The following VIPR2 variants were observed in gnomAD, a reference collection of about 807,000 sequenced individuals.
The protein encoded by VIPR2 is vasoactive intestinal polypeptide receptor 2.
In VIPR2, 48 loss-of-function variants were observed where a neutral mutation model predicts 58.0. That is an observed-to-expected ratio of 0.83 (90% CI 0.66 to 1.05). VIPR2 has a LOEUF of 1.05. Among genes scored for constraint, VIPR2 ranks in the 50% least tolerant of loss-of-function variants. The pLI is 0.00. For synonymous variants in VIPR2, 243 were observed against 235.2 expected (o/e 1.03, Z -0.30); for missense variants, 534 against 558.0 (o/e 0.96, Z 0.43).
At position 159,096,996 on chromosome 7, in the gene VIPR2, A is replaced by G; in HGVS notation, c.357+6761T>C. On this transcript the variant is annotated intron_variant, in intron 4 of 12. Coordinates refer to ENST00000262178, the MANE Select transcript of VIPR2 (RefSeq NM_003382.5). This position sits in a 1 kb window ranked among gnomAD's most constrained non-coding sequence, Gnocchi z 5.5. The stretch of plus-strand genomic sequence containing the variant: ...GACCATGAGGGGAGGCTTCCTTCAG[A>G]AAAGCTGCTGCTCTCAGAGGTGATT... The G allele has an allele frequency of 6.4e-7, 1 of 1,550,614 alleles. No homozygotes were observed. The highest frequency in any genetic ancestry group is 8.7e-7 in the Non-Finnish European group (1 of 1,146,984).
At chr7:159,058,429 A>C (rs1855447430) in intron 5 of VIPR2, 52 bp downstream of exon 5, 1 of 1,553,718 alleles carries the variant, frequency 6.4e-7, no homozygotes, top group African/African-American at 1.4e-5. Flanking sequence ...GCCTAAATGG[A>C]AACTTTGCTT....
At chr7:159,071,493 T>C (rs55662704) in intron 4 of VIPR2, among the ~76,000 whole-genome samples, 18,077 of 152,242 alleles carry the variant, frequency 0.12, 1,355 homozygotes, top group East Asian at 0.16. Flanking sequence ...CTGTTCTTCA[T>C]GGTTCCTCAG....
chr7:159,058,387 C>T (rs1585381208), intron 5 of VIPR2, 94 bp downstream of exon 5: 1 of 989,784 alleles, frequency 1.0e-6, no homozygotes, highest in East Asian at 2.4e-5. Context: ...GCTTAGCACA[C>T]AGAGGGCTCC....
rs1045875804 is a variant in VIPR2 at position 159,127,856 on chromosome 7, C to T, written c.151+14590G>A. Among the ~76,000 whole-genome samples the T allele has an allele frequency of 3.9e-5, 6 of 152,268 alleles. No homozygotes were observed. The highest frequency in any genetic ancestry group is 8.8e-5 in the Non-Finnish European group (6 of 68,000). On this transcript the variant is annotated intron_variant, in intron 2 of 12. Coordinates refer to ENST00000262178, the MANE Select transcript of VIPR2 (RefSeq NM_003382.5). This position sits in a 1 kb window ranked among gnomAD's most constrained non-coding sequence, Gnocchi z 4.6. Reference sequence around the variant, plus strand: ...TCGGATGCTGCTGGGGCCGCAGGGGCTTAGGGCTGGGGCCACGCGAGGCCT... The same window carrying T: ...TCGGATGCTGCTGGGGCCGCAGGGGTTTAGGGCTGGGGCCACGCGAGGCCT...
At chr7:159,063,894 G>GGGGATCTGGGGTTCCTGGA (rs1563288991) in intron 4 of VIPR2, among the ~76,000 whole-genome samples, 3 of 83,760 alleles carry the variant, frequency 3.6e-5, no homozygotes, top group African/African-American at 1.2e-4. Context: ...GGGGTCCTGG[G>GGGGATCTGGGGTTCCTGGA]GGGATCTGGG....
chr7:159,066,983 G>A (rs1010644096), intron 4 of VIPR2, among the ~76,000 whole-genome samples: 4 of 152,156 alleles, frequency 2.6e-5, no homozygotes, highest in African/African-American at 4.8e-5. Flanking sequence ...GGGCACTGGC[G>A]CTCTCCAGCA....
At chr7:159,047,352 T>C (rs1263199206) in intron 5 of VIPR2, among the ~76,000 whole-genome samples, 1 of 152,230 alleles carries the variant, frequency 6.6e-6, no homozygotes, top group Admixed American at 6.5e-5. Flanking sequence ...AGAAACTCAC[T>C]GGACAATTAA....
intron 2 of VIPR2, among the ~76,000 whole-genome samples, chr7:159,112,539 A>G (rs1053223785): frequency 1.3e-5 from 2 of 152,034 alleles, no homozygotes; most frequent in Non-Finnish European, 2.9e-5. Context: ...TTGCAGACAG[A>G]AGCAACTGTG....
rs188022390 is a variant in VIPR2 at position 159,043,987 on chromosome 7, G to A, written c.456-811C>T. ...GGGGAACCCAGAAATCCAGGTGCAC[G>A]TTCAGGGCAGAAAGAATCAGAGAAT... is the stretch of plus-strand genomic sequence containing the variant. On this transcript the variant is annotated intron_variant, in intron 5 of 12. Coordinates refer to ENST00000262178, the MANE Select transcript of VIPR2 (RefSeq NM_003382.5). 3.9e-5 allele frequency among the ~76,000 whole-genome samples: 6 copies of A among 152,280 alleles called. No homozygotes were observed. The East Asian group carries it at 5.8e-4, about 15-fold the overall frequency.
chr7:159,031,915 G>A lies in VIPR2; in HGVS notation c.1101+23C>T. On this transcript the variant is annotated intron_variant, in intron 11 of 12. Coordinates refer to ENST00000262178, the MANE Select transcript of VIPR2 (RefSeq NM_003382.5). The surrounding 1 kb of genome is among the most constrained non-coding windows in gnomAD (Gnocchi z 4.0). ...CAGGCAGGACCCGCGCTCGGGGGAG[G>A]GCGGCCGCCTCCGCACACCTACCTG... The A allele has an allele frequency of 6.2e-7, 1 of 1,614,112 alleles. No individual in the cohort carries two copies. The highest frequency in any genetic ancestry group is 8.5e-7 in the Non-Finnish European group (1 of 1,180,034).
Position 159,106,556 on chromosome 7 carries a change from G to A in VIPR2, c.260-2702C>T, listed in dbSNP as rs1163410732. On this transcript the variant is annotated intron_variant, in intron 3 of 12. Transcript: ENST00000262178. ...GCCAAGGAGGGGCAGAGAGAGGCCA[G>A]GGAGGGGCAGAGAGAGGCCAGGGAG... 5.4e-5 allele frequency among the ~76,000 whole-genome samples: 8 copies of A among 148,846 alleles called. No homozygotes were observed. The South Asian group carries it at 1.3e-3, about 25-fold the overall frequency.
chr7:159,139,506 C>G (rs536068153), intron 2 of VIPR2, among the ~76,000 whole-genome samples: 1 of 152,344 alleles, frequency 6.6e-6, no homozygotes, highest in African/African-American at 2.4e-5. Flanking sequence ...CGTTGTTAGC[C>G]TGCAAGTGGG....
chr7:159,144,568 C>A, intron 1 of VIPR2, 153 bp downstream of exon 1: 2 of 1,434,146 alleles, frequency 1.4e-6, no homozygotes, highest in Non-Finnish European at 9.2e-7. Flanking sequence ...CGGGAGGAAG[C>A]TCCGGACCCC....
chr7:159,058,444 T>G (rs1167902485), intron 5 of VIPR2, 37 bp downstream of exon 5: 1 of 1,582,032 alleles, frequency 6.3e-7, no homozygotes, highest in African/African-American at 1.3e-5. Flanking sequence ...TTGCTTGTCT[T>G]GTATTCTTTG....
In VIPR2 at chr7:159,127,555, T is replaced by C. The variant is rs1323334679; in HGVS notation, c.151+14891A>G. On this transcript the variant is annotated intron_variant, in intron 2 of 12. Coordinates refer to ENST00000262178, the MANE Select transcript of VIPR2 (RefSeq NM_003382.5). The surrounding 1 kb of genome is among the most constrained non-coding windows in gnomAD (Gnocchi z 4.6). Reference sequence around the variant, plus strand: ...GCCTGAGTCAGTCCAATACATGTGGTTGGGATCCCTGACCAGCCATCTCTG... The same window carrying C: ...GCCTGAGTCAGTCCAATACATGTGGCTGGGATCCCTGACCAGCCATCTCTG... Among the ~76,000 whole-genome samples, 4 of 152,168 alleles carry C rather than the reference T, an allele frequency of 2.6e-5. No individual in the cohort carries two copies. Among genetic ancestry groups the C allele is most frequent in the East Asian group, 1.9e-4 (1 of 5,192 alleles).
intron 2 of VIPR2, among the ~76,000 whole-genome samples, chr7:159,116,376 C>T (rs1476198525): frequency 6.6e-6 from 1 of 152,026 alleles, no homozygotes; most frequent in Admixed American, 6.5e-5. Flanking sequence ...CCAGAGGGCA[C>T]TGCAGTGGGT....
At chr7:159,075,087 C>G (rs1215808716) in intron 4 of VIPR2, among the ~76,000 whole-genome samples, 14 of 152,314 alleles carry the variant, frequency 9.2e-5, no homozygotes, top group Admixed American at 9.1e-4. Context: ...TAGCCTTAGA[C>G]TACATGACTA....
chr7:159,061,492 A>T (rs1259522458), intron 4 of VIPR2, among the ~76,000 whole-genome samples: 2 of 151,912 alleles, frequency 1.3e-5, no homozygotes, highest in East Asian at 1.9e-4. Flanking sequence ...CATAAAAAAA[A>T]TGGAAAAATA....
chr7:159,092,062 T>C (rs1037713247), intron 4 of VIPR2, among the ~76,000 whole-genome samples: 3 of 152,218 alleles, frequency 2.0e-5, no homozygotes, highest in Non-Finnish European at 4.4e-5. Flanking sequence ...GCTGAACTCC[T>C]GGGCAGCGGT....
Sources: gnomAD v4.1 joint callset for allele counts (sites outside exome capture counted in the v4.1 genomes callset) on GRCh38, gnomAD v4.1.1 for gene constraint, Gnocchi (gnomAD v3.1) non-coding constraint, MANE v1.5 for transcripts, NCBI Gene and HGNC (gene_info 2026-07-23, HGNC 2026-07-21) for gene names.